ADK: variants seen among roughly 807,000 people sequenced by gnomAD.
ADK encodes the protein N6,N6-dimethyladenosine kinase.
A neutral mutation model predicts 44.7 loss-of-function variants in ADK; 24 were observed. The ratio of observed to expected loss-of-function variants is 0.54; its 90% CI spans 0.39 to 0.76. The LOEUF is 0.76. ADK is among the 30% of genes least tolerant of loss of function. The pLI is 0.00. For synonymous variants in ADK, 128 were observed against 142.6 expected (o/e 0.90, Z 0.73); for missense variants, 321 against 425.1 (o/e 0.76, Z 2.15).
chr10:74,294,525 G>A (rs1356597384), intron 3 of ADK, among the ~76,000 whole-genome samples: 3 of 152,166 alleles, frequency 2.0e-5, no homozygotes, highest in Non-Finnish European at 4.4e-5. Flanking sequence ...GACCTCAGGT[G>A]ATCTGCCTGC....
At chr10:74,516,417 T>G (rs1848577729) in intron 6 of ADK, among the ~76,000 whole-genome samples, 1 of 152,150 alleles carries the variant, frequency 6.6e-6, no homozygotes, top group Non-Finnish European at 1.5e-5. Context: ...CTTAGCTGTT[T>G]GTTTGTTGCC....
At chr10:74,589,415 C>A in intron 8 of ADK, 98 bp downstream of exon 8, 1 of 1,239,184 alleles carries the variant, frequency 8.1e-7, no homozygotes, top group Non-Finnish European at 1.2e-6. Context: ...CTATTATACT[C>A]TCAGAGCCTC....
intron 3 of ADK, among the ~76,000 whole-genome samples, chr10:74,281,217 A>C (rs1288782596): frequency 6.6e-6 from 1 of 152,256 alleles, no homozygotes; most frequent in African/African-American, 2.4e-5. Flanking sequence ...TGTTGATCTG[A>C]TGCCCTGGTT....
intron 6 of ADK, among the ~76,000 whole-genome samples, chr10:74,466,079 T>G (rs1181608869): frequency 2.0e-5 from 3 of 152,176 alleles, no homozygotes; most frequent in Non-Finnish European, 2.9e-5. Flanking sequence ...TTTGTCTCAC[T>G]AATATATTCG....
In ADK at chr10:74,265,587, C is replaced by T. The variant is rs199696859; in HGVS notation, c.194+40996C>T. Among the ~76,000 whole-genome samples, 7 of 148,446 alleles carry T rather than the reference C, an allele frequency of 4.7e-5. No homozygotes were observed. In the East Asian group the frequency reaches 1.4e-3, roughly 29 times the overall value. On this transcript the variant is annotated intron_variant, in intron 3 of 10. Coordinates refer to ENST00000539909, the MANE Select transcript of ADK (RefSeq NM_006721.4). Reference sequence around the variant, plus strand: ...TTTCTGTGATGATATTTGAGAAAAGCGCAACTTAATTACAAAAGAGTGAAA... The same window carrying T: ...TTTCTGTGATGATATTTGAGAAAAGTGCAACTTAATTACAAAAGAGTGAAA...
chr10:74,517,595 G>A (rs1848642322), intron 6 of ADK, among the ~76,000 whole-genome samples: 1 of 151,722 alleles, frequency 6.6e-6, no homozygotes. Context: ...AGGCAGAGGT[G>A]GGAGGATCAC....
In ADK at chr10:74,307,589, C is replaced by T. The variant is rs538944042; in HGVS notation, c.195-7078C>T. The stretch of plus-strand genomic sequence containing the variant: ...TGATGCAGTATATGCTACCCAGAAT[C>T]GGAAGTTCCATATATTATGTTTTGA... On this transcript the variant is annotated intron_variant, in intron 3 of 10. Coordinates refer to ENST00000539909, the MANE Select transcript of ADK (RefSeq NM_006721.4). 7.9e-5 allele frequency among the ~76,000 whole-genome samples: 12 copies of T among 152,230 alleles called. No individual in the cohort carries two copies. The East Asian group carries it at 1.5e-3, about 20-fold the overall frequency.
At chr10:74,171,808 CTCTGTGTGTGTGTGTGTG>C (rs1310505089) in intron 1 of ADK, among the ~76,000 whole-genome samples, 1,921 of 142,610 alleles carry the variant, frequency 0.013, 15 homozygotes, top group Non-Finnish European at 0.016. Flanking sequence ...CTCTCTGTCT[CTCTGTGTGTGTGTGTGTG>C]TGTGTGTGTG....
chr10:74,501,721 A>T (rs935257578), intron 6 of ADK, among the ~76,000 whole-genome samples: 1 of 152,198 alleles, frequency 6.6e-6, no homozygotes, highest in African/African-American at 2.4e-5. Context: ...GTGAACCTCA[A>T]TATCAAGAAA....
At position 74,594,272 on chromosome 10, in the gene ADK, C is replaced by T. The variant is rs28422778; in HGVS notation, c.762+4955C>T. Among the ~76,000 whole-genome samples, 580 of 151,870 alleles carry T rather than the reference C, an allele frequency of 3.8e-3. 7 individuals carry two copies. The highest frequency in any genetic ancestry group is 0.013 in the African/African-American group (544 of 41,378). ...ATGGCTGCAGCAAACCACCATGGCACGCGTATACCTCTGTAACAAAGCTGC... is the reference window on the plus strand; with the variant it reads ...ATGGCTGCAGCAAACCACCATGGCATGCGTATACCTCTGTAACAAAGCTGC... On this transcript the variant is annotated intron_variant, in intron 8 of 10. Transcript: ENST00000539909.
At chr10:74,356,240 G>A (rs930987635) in intron 4 of ADK, among the ~76,000 whole-genome samples, 8 of 150,620 alleles carry the variant, frequency 5.3e-5, no homozygotes, top group Middle Eastern at 3.2e-3. Flanking sequence ...GGATGGTCTC[G>A]ATCTCCTGAC....
At chr10:74,635,512 G>A (rs1415094400) in intron 9 of ADK, among the ~76,000 whole-genome samples, 1 of 152,110 alleles carries the variant, frequency 6.6e-6, no homozygotes, top group Non-Finnish European at 1.5e-5. Context: ...TGCAAGGAGG[G>A]GAGGGAATTT....
In ADK at chr10:74,589,144, G is replaced by C. The variant is rs146335384; in HGVS notation, c.727-138G>C. The C allele has an allele frequency of 1.2e-3, 879 of 744,794 alleles. 10 individuals are homozygous for C. The African/African-American group carries it at 0.014, about 12-fold the overall frequency. 46.1% of individuals were successfully genotyped at this position (744,794 alleles called of 1,614,324 possible). ...AGGGAAAAAAGAAATCTTTATTGCTGTAAGAATAAAAATTGAACTATGTGG... is the reference window on the plus strand; with the variant it reads ...AGGGAAAAAAGAAATCTTTATTGCTCTAAGAATAAAAATTGAACTATGTGG... On this transcript the variant is annotated intron_variant, in intron 7 of 10. Coordinates refer to ENST00000539909, the MANE Select transcript of ADK (RefSeq NM_006721.4).
intron 7 of ADK, among the ~76,000 whole-genome samples, chr10:74,583,900 G>A (rs938086700): frequency 3.3e-5 from 5 of 152,048 alleles, no homozygotes; most frequent in African/African-American, 4.8e-5. Flanking sequence ...ACTCATGTCC[G>A]GTCACAGCCC....
At chr10:74,565,544 A>G (rs1015009032) in intron 7 of ADK, among the ~76,000 whole-genome samples, 1 of 152,068 alleles carries the variant, frequency 6.6e-6, no homozygotes, top group Non-Finnish European at 1.5e-5. Context: ...CCTGACCAAC[A>G]TGGAGAAACT....
chr10:74,689,110 G>A (rs964127054), intron 10 of ADK, among the ~76,000 whole-genome samples: 3 of 151,642 alleles, frequency 2.0e-5, no homozygotes, highest in Non-Finnish European at 2.9e-5. Flanking sequence ...TTAGCTGGGC[G>A]TGGTGGCGGG....
chr10:74,633,380 G>A (rs1853505984), intron 9 of ADK, among the ~76,000 whole-genome samples: 1 of 151,752 alleles, frequency 6.6e-6, no homozygotes, highest in Admixed American at 6.6e-5. Context: ...TACACATCTT[G>A]GTATTTCTAG....
At chr10:74,218,401 C>T (rs1844151245) in intron 2 of ADK, among the ~76,000 whole-genome samples, 1 of 152,102 alleles carries the variant, frequency 6.6e-6, no homozygotes, top group South Asian at 2.1e-4. Context: ...GATTGGTGTA[C>T]CTGAAAGTGA....
intron 6 of ADK, among the ~76,000 whole-genome samples, chr10:74,474,802 G>A (rs1050810352): frequency 6.6e-6 from 1 of 152,120 alleles, no homozygotes. Context: ...GGAATTACAG[G>A]CCTGAGCCAC....
Sources: allele counts gnomAD v4.1 joint callset (sites outside exome capture counted in the v4.1 genomes callset), GRCh38; gene constraint gnomAD v4.1.1; transcripts MANE v1.5; gene names NCBI Gene and HGNC (gene_info 2026-07-23, HGNC 2026-07-21).